The following USP25 variants were observed in gnomAD, a reference collection of about 807,000 sequenced individuals.
USP25 encodes ubiquitin specific peptidase 25.
A neutral mutation model predicts 158.5 loss-of-function variants in USP25; 85 were observed. That is an observed-to-expected ratio of 0.54 (90% CI 0.45 to 0.64). The LOEUF is 0.64. USP25 is among the 30% of genes least tolerant of loss of function. USP25 has a pLI of 0.00. For missense variants in USP25, 1,242 were observed against 1,327.3 expected (o/e 0.94, Z 1.00); for synonymous variants, 464 against 460.4 (o/e 1.01, Z -0.10).
At chr21:15,818,310 T>C (rs2146326147) in intron 9 of USP25, among the ~76,000 whole-genome samples, 1 of 152,320 alleles carries the variant, frequency 6.6e-6, no homozygotes, top group South Asian at 2.1e-4. Flanking sequence ...TGTTTATAAA[T>C]ATATGTGAAG....
At chr21:15,815,748 T>G (rs1432536418) in intron 9 of USP25, among the ~76,000 whole-genome samples, 1 of 152,182 alleles carries the variant, frequency 6.6e-6, no homozygotes, top group Non-Finnish European at 1.5e-5. Context: ...AGTGTTACAG[T>G]TTTTAGGTTC....
Position 15,827,171 on chromosome 21 carries a change from G to T in USP25, c.1661G>T (p.Arg554Leu), listed in dbSNP as rs747492263. The change falls in exon 14 of 26, where the codon CGC (arginine) becomes CTC (leucine). Residue 554 changes from arginine to leucine, a missense_variant. Arg to Leu is a moderately radical substitution (Grantham distance 102, BLOSUM62 -2). Around this residue, in one of 3 missense-constraint regions of USP25, gnomAD observed 627 missense variants for 701.4 expected, o/e 0.89. Coordinates refer to ENST00000400183, the MANE Select transcript of USP25 (RefSeq NM_001283041.3). Reference sequence around the variant, plus strand: ...TCTGTGCTGGAAAGTTGTTTACATCGCTGGAGGACAGAAATAGAAAATGAC... The same window carrying T: ...TCTGTGCTGGAAAGTTGTTTACATCTCTGGAGGACAGAAATAGAAAATGAC... ...ELSVLESCLH[R>L]WRTEIENDTR... 2 of 1,614,128 alleles carry T rather than the reference G, an allele frequency of 1.2e-6. No homozygotes were observed. Among genetic ancestry groups the T allele is most frequent in the South Asian group, 1.1e-5 (1 of 91,086 alleles).
chr21:15,785,207 G>T (rs935328133), intron 4 of USP25, among the ~76,000 whole-genome samples: 1 of 151,976 alleles, frequency 6.6e-6, no homozygotes, highest in Admixed American at 6.6e-5. Context: ...AAGCAAAACT[G>T]TAAATATATA....
In USP25 at chr21:15,875,586, G is replaced by A. The variant is rs2040068004; in HGVS notation, c.3009+1060G>A. Among the ~76,000 whole-genome samples the A allele has an allele frequency of 6.6e-6, 1 of 152,200 alleles. No homozygotes were observed. The highest frequency in any genetic ancestry group is 1.5e-5 in the Non-Finnish European group (1 of 68,030). On this transcript the variant is annotated intron_variant, in intron 24 of 25. Coordinates refer to ENST00000400183, the MANE Select transcript of USP25 (RefSeq NM_001283041.3). The surrounding 1 kb of genome is among the most constrained non-coding windows in gnomAD (Gnocchi z 4.7). ...TTATGAGAAATATGCACAATGATAT[G>A]CCTGAAATATTTGGGAAGAACCTTA...
chr21:15,779,820 T>A (rs1025538196), intron 4 of USP25, among the ~76,000 whole-genome samples: 1 of 152,058 alleles, frequency 6.6e-6, no homozygotes, highest in African/African-American at 2.4e-5. Flanking sequence ...TTCGGCATAA[T>A]GTAACATGCC....
In USP25 at chr21:15,831,400, G is replaced by C; in HGVS notation, c.1765-1G>C. The C allele has an allele frequency of 1.2e-6, 2 of 1,613,326 alleles. No individual in the cohort carries two copies. Among genetic ancestry groups the C allele is most frequent in the Non-Finnish European group, 1.7e-6 (2 of 1,179,618 alleles). ...TTAACTCTTCTTTTTTTCACATTTAGGTTCCTTATCGATTACATGCCGTTT... is the reference window on the plus strand; with the variant it reads ...TTAACTCTTCTTTTTTTCACATTTACGTTCCTTATCGATTACATGCCGTTT... On this transcript the variant is annotated splice_acceptor_variant, in intron 15 of 25. Transcript: ENST00000400183. LOFTEE classifies it high-confidence loss of function.
chr21:15,827,934 TA>T (rs537470764), intron 14 of USP25, among the ~76,000 whole-genome samples: 5 of 152,164 alleles, frequency 3.3e-5, no homozygotes, highest in Middle Eastern at 3.4e-3. Flanking sequence ...AAAGTGTACT[TA>T]AAAAAATGGA....
At position 15,843,337 on chromosome 21, in the gene USP25, C is replaced by T. The variant is rs1250072749; in HGVS notation, c.2337+797C>T. The stretch of plus-strand genomic sequence containing the variant: ...TTCCCCTTGACAACTAAAAAGAGTA[C>T]GACATATCATAATTTTACAACACGT... On this transcript the variant is annotated intron_variant, in intron 18 of 25. Coordinates refer to ENST00000400183, the MANE Select transcript of USP25 (RefSeq NM_001283041.3). This position sits in a 1 kb window ranked among gnomAD's most constrained non-coding sequence, Gnocchi z 4.0. 5.3e-5 allele frequency among the ~76,000 whole-genome samples: 8 copies of T among 152,038 alleles called. No individual in the cohort carries two copies. The highest frequency in any genetic ancestry group is 1.0e-4 in the Non-Finnish European group (7 of 68,014).
intron 4 of USP25, among the ~76,000 whole-genome samples, chr21:15,788,379 G>A (rs916504525): frequency 1.3e-5 from 2 of 152,106 alleles, no homozygotes; most frequent in East Asian, 1.9e-4. Flanking sequence ...GCTAGAGATT[G>A]GCTTTTGCAA....
intron 4 of USP25, among the ~76,000 whole-genome samples, chr21:15,788,074 G>T (rs1382312841): frequency 6.6e-6 from 1 of 151,748 alleles, no homozygotes; most frequent in East Asian, 1.9e-4. Context: ...ATTTTGAGAA[G>T]ATAAAGCAAG....
chr21:15,778,283 T>G (rs940021526), intron 4 of USP25, among the ~76,000 whole-genome samples: 4 of 152,052 alleles, frequency 2.6e-5, no homozygotes, highest in African/African-American at 9.7e-5. Flanking sequence ...TTTCTTTCAT[T>G]TTTTTTCTTC....
intron 3 of USP25, among the ~76,000 whole-genome samples, chr21:15,768,649 G>T (rs567241994): frequency 6.6e-6 from 1 of 152,058 alleles, no homozygotes; most frequent in South Asian, 2.1e-4. Context: ...CTACCTAACT[G>T]CTGTAGGAAT....
chr21:15,872,014 GTTTTT>G (rs1158862222), intron 23 of USP25, among the ~76,000 whole-genome samples: 2 of 71,642 alleles, frequency 2.8e-5, no homozygotes, highest in Middle Eastern at 0.013. Flanking sequence ...AAGAAATACT[GTTTTT>G]TTTTTTTTTT....
intron 3 of USP25, among the ~76,000 whole-genome samples, chr21:15,772,011 T>C (rs2034386494): frequency 6.6e-6 from 1 of 151,566 alleles, no homozygotes; most frequent in Admixed American, 6.6e-5. Context: ...TATATAATAG[T>C]TCAGCTAGAT....
intron 15 of USP25, 58 bp from the exon 16 acceptor site, chr21:15,831,343 A>C: frequency 6.7e-7 from 1 of 1,496,620 alleles, no homozygotes; most frequent in Non-Finnish European, 9.3e-7. Flanking sequence ...GTTTCATGGA[A>C]TGTGGTATAT....
chr21:15,766,252 T>C lies in USP25; in HGVS notation c.268+111T>C, dbSNP rs1228608639. 21 of 974,652 alleles carry C rather than the reference T, an allele frequency of 2.2e-5. No homozygotes were observed. The highest frequency in any genetic ancestry group is 2.8e-5 in the Non-Finnish European group (20 of 715,388). 60.4% of individuals were successfully genotyped at this position (974,652 alleles called of 1,614,324 possible). A position where few individuals can be genotyped will look rare whatever the true frequency, so the allele number is the denominator to read the frequency against. ...GAGGTAAAGAACCAAAAAAGAACTC[T>C]ATTAACCTTGGTTCTTTTTAATGTA... On this transcript the variant is annotated intron_variant, in intron 3 of 25. Transcript: ENST00000400183. This position sits in a 1 kb window ranked among gnomAD's most constrained non-coding sequence, Gnocchi z 4.0.
intron 4 of USP25, among the ~76,000 whole-genome samples, chr21:15,790,075 A>T (rs1412595070): frequency 6.6e-6 from 1 of 151,996 alleles, no homozygotes; most frequent in Non-Finnish European, 1.5e-5. Flanking sequence ...TCTCCCTTGT[A>T]TTCTTGAAAA....
At position 15,847,601 on chromosome 21, in the gene USP25, G is replaced by A; in HGVS notation, c.2338-62G>A. On this transcript the variant is annotated intron_variant, in intron 18 of 25. Coordinates refer to ENST00000400183, the MANE Select transcript of USP25 (RefSeq NM_001283041.3). Reference sequence around the variant, plus strand: ...ATGTGCAGGTTATACAGTTGTGCAAGGATGCCATTGTTCTCCACTGTTCTC... The same window carrying A: ...ATGTGCAGGTTATACAGTTGTGCAAAGATGCCATTGTTCTCCACTGTTCTC... 4 of 1,145,870 alleles carry A rather than the reference G, an allele frequency of 3.5e-6. No individual in the cohort carries two copies. The Admixed American group carries it at 6.0e-5, about 17-fold the overall frequency. The allele number at this position is 1,145,870 out of a possible 1,614,324, so 71.0% of individuals were successfully genotyped here.
In USP25 at chr21:15,792,556, A is replaced by G. The variant is rs1448504680; in HGVS notation, c.555+892A>G. ...ATGCTATTTTTTGTATTCAAAATAT[A>G]TCTTCATTTTGTAACTTTCCAAACC... On this transcript the variant is annotated intron_variant, in intron 5 of 25. Transcript: ENST00000400183. 2.0e-5 allele frequency among the ~76,000 whole-genome samples: 3 copies of G among 151,680 alleles called. No homozygotes were observed. The East Asian group carries it at 5.8e-4, about 29-fold the overall frequency.
Sources: gnomAD v4.1 joint callset for allele counts (sites outside exome capture counted in the v4.1 genomes callset) on GRCh38, gnomAD v4.1.1 for gene constraint, gnomAD v4.1.1 regional missense constraint, Gnocchi (gnomAD v3.1) non-coding constraint, MANE v1.5 for transcripts, NCBI Gene and HGNC (gene_info 2026-07-23, HGNC 2026-07-21) for gene names.